The following RGS7 variants were observed in gnomAD, a reference collection of about 807,000 sequenced individuals.
RGS7 encodes the protein regulator of G-protein signaling 7.
A neutral mutation model predicts 81.1 loss-of-function variants in RGS7; 27 were observed. The ratio of observed to expected loss-of-function variants is 0.33; its 90% CI spans 0.25 to 0.46. RGS7 has a LOEUF of 0.46. Ranked by LOEUF, RGS7 falls within the 20% of genes least tolerant of loss-of-function variation. RGS7 has a pLI of 1.00. For synonymous variants in RGS7, 208 were observed against 207.7 expected (o/e 1.00, Z -0.01); for missense variants, 396 against 607.4 (o/e 0.65, Z 3.66).
intron 2 of RGS7, among the ~76,000 whole-genome samples, chr1:241,193,131 G>T (rs936848617): frequency 2.6e-5 from 4 of 152,152 alleles, no homozygotes; most frequent in African/African-American, 7.2e-5. Flanking sequence ...ACTCTAAATT[G>T]TCCTTGTCTA....
chr1:241,355,644 A>G, intron 2 of RGS7, 55 bp downstream of exon 2: 1 of 1,528,674 alleles, frequency 6.5e-7, no homozygotes, highest in Non-Finnish European at 9.1e-7. Flanking sequence ...GAGGGGGAAA[A>G]AAATCGAGAA....
At chr1:241,261,320 G>A (rs1156391057) in intron 2 of RGS7, among the ~76,000 whole-genome samples, 1 of 152,046 alleles carries the variant, frequency 6.6e-6, no homozygotes, top group Non-Finnish European at 1.5e-5. Context: ...CTGTGCTCTA[G>A]TTTCAGCTCT....
At chr1:240,975,311 A>T (rs1572077307) in intron 4 of RGS7, among the ~76,000 whole-genome samples, 1 of 152,172 alleles carries the variant, frequency 6.6e-6, no homozygotes, top group Non-Finnish European at 1.5e-5. Flanking sequence ...CTGAGGCAGG[A>T]GAATAGCTTG....
At chr1:240,944,282 G>GTGTGTA (rs1352421845) in intron 4 of RGS7, among the ~76,000 whole-genome samples, 13 of 55,808 alleles carry the variant, frequency 2.3e-4, no homozygotes, top group South Asian at 7.3e-4. Flanking sequence ...GTGTGTGTGT[G>GTGTGTA]TATATATATA....
chr1:240,837,495 T>G (rs969476332), intron 9 of RGS7, among the ~76,000 whole-genome samples: 3 of 152,240 alleles, frequency 2.0e-5, no homozygotes, highest in African/African-American at 7.2e-5. Context: ...TTGATTTGCA[T>G]TATACTGTTC....
chr1:240,849,231 C>T (rs1176093855), intron 9 of RGS7, among the ~76,000 whole-genome samples: 1 of 152,124 alleles, frequency 6.6e-6, no homozygotes, highest in African/African-American at 2.4e-5. Flanking sequence ...TTACCCCCTT[C>T]GTTTTTCTTG....
intron 6 of RGS7, among the ~76,000 whole-genome samples, chr1:240,907,438 AAATAAAATACTAAATACTAAAAT>A (rs1444007423): frequency 6.6e-6 from 1 of 151,700 alleles, no homozygotes; most frequent in Non-Finnish European, 1.5e-5. Flanking sequence ...TAAATCGTAG[AAATAAAATACTAAATACTAAAAT>A]AATAAAATAC....
chr1:240,960,533 T>G lies in RGS7; in HGVS notation c.226+22546A>C, dbSNP rs1024297681. The stretch of plus-strand genomic sequence containing the variant: ...CTAGGATTACAGGCGTGAGCCACTG[T>G]GCCTGGGCTGTTCTTTTTTTTTTTT... On this transcript the variant is annotated intron_variant, in intron 4 of 18. Transcript: ENST00000440928. 6.7e-5 allele frequency among the ~76,000 whole-genome samples: 10 copies of G among 148,320 alleles called. No homozygotes were observed. In the East Asian group the frequency reaches 1.2e-3, roughly 18 times the overall value.
chr1:240,883,188 G>A (rs551966910), intron 6 of RGS7, among the ~76,000 whole-genome samples: 1 of 151,478 alleles, frequency 6.6e-6, no homozygotes, highest in Non-Finnish European at 1.5e-5. Flanking sequence ...TGTGGGGTGG[G>A]GGGATGGGGG....
intron 3 of RGS7, among the ~76,000 whole-genome samples, chr1:241,064,256 G>A (rs1572513136): frequency 6.7e-6 from 1 of 149,876 alleles, no homozygotes; most frequent in Admixed American, 6.7e-5. Flanking sequence ...TTTTTCACAA[G>A]ACACCGATAT....
chr1:241,260,969 G>A (rs572302249), intron 2 of RGS7, among the ~76,000 whole-genome samples: 1 of 151,604 alleles, frequency 6.6e-6, no homozygotes, highest in South Asian at 2.1e-4. Context: ...TATACCTAAT[G>A]CTAGATGACG....
At chr1:241,082,289 T>C (rs1001219952) in intron 3 of RGS7, among the ~76,000 whole-genome samples, 39 of 152,208 alleles carry the variant, frequency 2.6e-4, no homozygotes, top group Non-Finnish European at 4.7e-4. Flanking sequence ...AAATATAAAA[T>C]GGCAAATTCA....
intron 2 of RGS7, among the ~76,000 whole-genome samples, chr1:241,134,600 A>G (rs4660031): frequency 0.53 from 80,067 of 152,090 alleles, 24,922 homozygotes; most frequent in African/African-American, 0.88. Flanking sequence ...CACCTACGCC[A>G]TAGAAGCGGA....
chr1:241,326,994 A>AG (rs1553320485), intron 2 of RGS7, among the ~76,000 whole-genome samples: 2 of 40,194 alleles, frequency 5.0e-5, no homozygotes, highest in Admixed American at 3.8e-4. Flanking sequence ...AAAGGCAGGA[A>AG]GAAGGAAGGA....
intron 14 of RGS7, among the ~76,000 whole-genome samples, chr1:240,809,903 CTAATA>C (rs1281053879): frequency 6.6e-6 from 1 of 152,038 alleles, no homozygotes; most frequent in Non-Finnish European, 1.5e-5. Context: ...ATAAGATAAT[CTAATA>C]TTTCTTAGAT....
In RGS7 at chr1:241,012,131, A is replaced by T. The variant is rs2148664158; in HGVS notation, c.176-29002T>A. On this transcript the variant is annotated intron_variant, in intron 3 of 18. Coordinates refer to ENST00000440928, the MANE Select transcript of RGS7 (RefSeq NM_001364886.1). ...AGTAGTAATGGGGTGGTGTGGAGGA[A>T]GGGAGACCTTACATTGACTATACCC... is the stretch of plus-strand genomic sequence containing the variant. Among the ~76,000 whole-genome samples the T allele has an allele frequency of 1.3e-5, 2 of 152,316 alleles. 1 individual carries two copies. The highest frequency in any genetic ancestry group is 4.1e-4 in the South Asian group (2 of 4,826).
intron 4 of RGS7, among the ~76,000 whole-genome samples, chr1:240,964,411 C>T (rs376775448): frequency 2.5e-4 from 38 of 151,966 alleles, no homozygotes; most frequent in African/African-American, 7.3e-4. Context: ...TTTTCAACAG[C>T]GACGTGCAGA....
At chr1:240,953,517 G>A (rs1380922212) in intron 4 of RGS7, among the ~76,000 whole-genome samples, 1 of 151,870 alleles carries the variant, frequency 6.6e-6, no homozygotes, top group Admixed American at 6.6e-5. Context: ...TGTCTAAAGA[G>A]AAACTGAAAA....
At chr1:241,065,374 A>G (rs6672350) in intron 3 of RGS7, among the ~76,000 whole-genome samples, 1,575 of 151,888 alleles carry the variant, frequency 0.01, 23 homozygotes, top group African/African-American at 0.036. Context: ...GTACTCCCCA[A>G]AATTTACCCC....
Sources: allele counts gnomAD v4.1 joint callset (sites outside exome capture counted in the v4.1 genomes callset), GRCh38; gene constraint gnomAD v4.1.1; transcripts MANE v1.5; gene names NCBI Gene and HGNC (gene_info 2026-07-23, HGNC 2026-07-21).